The following SAMMSON variants were observed in gnomAD, a reference collection of about 807,000 sequenced individuals.
SAMMSON encodes survival associated mitochondrial melanoma specific oncogenic non-coding RNA, also known as long intergenic non-protein coding RNA 1212.
chr3:70,278,833 C>T (rs1480216218), intron 6 of SAMMSON, among the ~76,000 whole-genome samples: 4 of 151,914 alleles, frequency 2.6e-5, no homozygotes, highest in Admixed American at 2.0e-4. Flanking sequence ...TAAAGGATAG[C>T]AAGCCACCTC....
At chr3:70,328,616 A>G (rs1200049252) in intron 7 of SAMMSON, among the ~76,000 whole-genome samples, 1 of 152,178 alleles carries the variant, frequency 6.6e-6, no homozygotes, top group African/African-American at 2.4e-5. Flanking sequence ...TAATTATCCA[A>G]AATAAAAACA....
intron 1 of SAMMSON, among the ~76,000 whole-genome samples, chr3:70,005,192 G>A (rs2066921993): frequency 6.6e-6 from 1 of 152,136 alleles, no homozygotes; most frequent in African/African-American, 2.4e-5. Flanking sequence ...TTACCTGAAA[G>A]TCTGTGGTTA....
At chr3:70,063,508 G>T (rs950696314) in intron 3 of SAMMSON, among the ~76,000 whole-genome samples, 4 of 152,036 alleles carry the variant, frequency 2.6e-5, no homozygotes, top group Non-Finnish European at 5.9e-5. Context: ...TCTTCTTTTA[G>T]GTAGGATCCG....
At chr3:70,323,906 A>G (rs1702556982) in intron 7 of SAMMSON, among the ~76,000 whole-genome samples, 1 of 152,104 alleles carries the variant, frequency 6.6e-6, no homozygotes, top group South Asian at 2.1e-4. Context: ...TGCCTACTTC[A>G]TAAGGGCTGG....
At chr3:70,362,690 C>T (rs1161084036) in intron 9 of SAMMSON, among the ~76,000 whole-genome samples, 2 of 151,244 alleles carry the variant, frequency 1.3e-5, no homozygotes, top group Non-Finnish European at 3.0e-5. Context: ...ACATGTGTAT[C>T]TTTTTTTTAC....
chr3:70,372,097 A>T (rs2106746415), intron 9 of SAMMSON, among the ~76,000 whole-genome samples: 1 of 152,178 alleles, frequency 6.6e-6, no homozygotes, highest in Middle Eastern at 3.4e-3. Flanking sequence ...AATCATCAGA[A>T]ATTTTTTTCT....
At position 70,093,233 on chromosome 3, in the gene SAMMSON, A is replaced by C. The variant is rs535825427; in HGVS notation, n.507+21668A>C. On this transcript the variant is annotated intron_variant and non_coding_transcript_variant, in intron 4 of 9. Coordinates refer to ENST00000642114, the Ensembl canonical transcript of SAMMSON. Reference sequence around the variant, plus strand: ...AATAATGCGCACTGACAGAGAGCACACTCAATGTCAGGCAGTGAGTCAAAC... The same window carrying C: ...AATAATGCGCACTGACAGAGAGCACCCTCAATGTCAGGCAGTGAGTCAAAC... Among the ~76,000 whole-genome samples, 2 of 152,052 alleles carry C rather than the reference A, an allele frequency of 1.3e-5. 1 individual carries two copies. The highest frequency in any genetic ancestry group is 1.3e-4 in the Admixed American group (2 of 15,262).
intron 4 of SAMMSON, among the ~76,000 whole-genome samples, chr3:70,076,808 A>G (rs1441882611): frequency 6.6e-6 from 1 of 152,224 alleles, no homozygotes; most frequent in Non-Finnish European, 1.5e-5. Context: ...ATGAAGTGGA[A>G]TTGGCAGTTC....
At chr3:70,351,836 C>T (rs1702797003) in intron 7 of SAMMSON, among the ~76,000 whole-genome samples, 2 of 152,116 alleles carry the variant, frequency 1.3e-5, no homozygotes, top group Non-Finnish European at 2.9e-5. Flanking sequence ...TGTGACTCTA[C>T]TCCACCATAA....
intron 3 of SAMMSON, among the ~76,000 whole-genome samples, chr3:70,061,234 A>G (rs1415895138): frequency 6.6e-6 from 1 of 152,050 alleles, no homozygotes; most frequent in East Asian, 1.9e-4. Flanking sequence ...AGATACCGAC[A>G]GGACCTCCAG....
At chr3:70,234,495 A>G (rs1300821237) in intron 4 of SAMMSON, among the ~76,000 whole-genome samples, 1 of 152,002 alleles carries the variant, frequency 6.6e-6, no homozygotes, top group Non-Finnish European at 1.5e-5. Flanking sequence ...CAAAAAATAG[A>G]ATAATCAGCC....
chr3:70,294,751 AT>A (rs1197958083), intron 7 of SAMMSON, among the ~76,000 whole-genome samples: 1 of 152,058 alleles, frequency 6.6e-6, no homozygotes, highest in Non-Finnish European at 1.5e-5. Flanking sequence ...AAGAATCCAG[AT>A]TTTTTTCCAT....
chr3:70,134,628 G>A (rs2067498634), intron 4 of SAMMSON, among the ~76,000 whole-genome samples: 3 of 151,982 alleles, frequency 2.0e-5, no homozygotes, highest in Admixed American at 2.0e-4. Context: ...TTCTTTAAAT[G>A]TATATATTAC....
intron 4 of SAMMSON, among the ~76,000 whole-genome samples, chr3:70,226,999 G>T (rs1701514000): frequency 6.6e-6 from 1 of 152,094 alleles, no homozygotes; most frequent in African/African-American, 2.4e-5. Flanking sequence ...ATTGACAGGG[G>T]ATGGACCTCG....
intron 9 of SAMMSON, among the ~76,000 whole-genome samples, chr3:70,366,883 G>T (rs1702924897): frequency 6.6e-6 from 1 of 151,530 alleles, no homozygotes; most frequent in Admixed American, 6.6e-5. Context: ...TATATGTGTA[G>T]TGTTTCTTTT....
chr3:70,092,107 G>C (rs993145877), intron 4 of SAMMSON, among the ~76,000 whole-genome samples: 2 of 152,104 alleles, frequency 1.3e-5, no homozygotes, highest in Non-Finnish European at 2.9e-5. Context: ...GGTTAACTTT[G>C]ATTTGGAAAT....
chr3:70,327,044 G>A (rs1702585124), intron 7 of SAMMSON, among the ~76,000 whole-genome samples: 1 of 152,128 alleles, frequency 6.6e-6, no homozygotes, highest in Non-Finnish European at 1.5e-5. Flanking sequence ...TTTCAGTAGA[G>A]ATGGGGTTTC....
At chr3:70,062,469 ACT>A (rs1357583733) in intron 3 of SAMMSON, among the ~76,000 whole-genome samples, 1 of 151,836 alleles carries the variant, frequency 6.6e-6, no homozygotes. Context: ...TTGAGGACAG[ACT>A]CTGGTTTGCT....
intron 7 of SAMMSON, among the ~76,000 whole-genome samples, chr3:70,299,501 A>G (rs1293488113): frequency 6.6e-6 from 1 of 152,120 alleles, no homozygotes; most frequent in East Asian, 1.9e-4. Context: ...TTCCCATTGA[A>G]TCCAGAAATC....
Sources: gnomAD v4.1 joint callset for allele counts (sites outside exome capture counted in the v4.1 genomes callset) on GRCh38, gnomAD v4.1.1 for gene constraint, MANE v1.5 for transcripts, NCBI Gene and HGNC (gene_info 2026-07-23, HGNC 2026-07-21) for gene names.